Variants in PREX1 observed in about 807,000 individuals in gnomAD.
PREX1 encodes the protein phosphatidylinositol-3,4,5-trisphosphate dependent Rac exchange factor 1.
A neutral mutation model predicts 198.3 loss-of-function variants in PREX1; 41 were observed. That is an observed-to-expected ratio of 0.21 (90% CI 0.16 to 0.27). The LOEUF (loss-of-function observed/expected upper bound fraction) is 0.27, where lower values mean the gene tolerates loss of function less well. Ranked by LOEUF, PREX1 falls within the 10% of genes least tolerant of loss-of-function variation. The pLI is 1.00. For missense variants in PREX1, 1,620 were observed against 2,200.7 expected, an observed-to-expected ratio of 0.74 and a Z score of 5.28; for synonymous variants, 843 against 887.2, an observed-to-expected ratio of 0.95 and a Z score of 0.89.
At chr20:48,672,096 C>A (rs192697585) in intron 14 of PREX1, among the ~76,000 whole-genome samples, 55 of 152,350 alleles carry the variant, frequency 3.6e-4, no homozygotes, top group Non-Finnish European at 5.6e-4. Flanking sequence ...GCATGCCCAG[C>A]ACCAGCCACC....
intron 10 of PREX1, among the ~76,000 whole-genome samples, chr20:48,682,051 C>T (rs1322287450): frequency 7.2e-5 from 11 of 152,158 alleles, no homozygotes; most frequent in Admixed American, 1.3e-4. Flanking sequence ...TCTTCCCACA[C>T]GGACATAAAC....
At chr20:48,701,619 A>G (rs541157902) in intron 6 of PREX1, among the ~76,000 whole-genome samples, 1 of 152,176 alleles carries the variant, frequency 6.6e-6, no homozygotes, top group East Asian at 1.9e-4. Context: ...CCCCTTTGGT[A>G]AGGACAGGGC....
At chr20:48,863,203 CCT>C in the PREX1 span, among the ~76,000 whole-genome samples, 4 of 152,016 alleles carry the variant, frequency 2.6e-5, no homozygotes, top group Non-Finnish European at 4.4e-5. Context: ...CCTTATACTC[CCT>C]CTCTCCCTCC....
At chr20:48,646,424 T>G (rs1051541951) in intron 25 of PREX1, among the ~76,000 whole-genome samples, 2 of 152,190 alleles carry the variant, frequency 1.3e-5, no homozygotes, top group African/African-American at 4.8e-5. Flanking sequence ...GGTTCACACC[T>G]GTAATCCCAG....
At chr20:48,702,862 G>A (rs781703253) in intron 6 of PREX1, among the ~76,000 whole-genome samples, 1 of 152,332 alleles carries the variant, frequency 6.6e-6, no homozygotes, top group Non-Finnish European at 1.5e-5. Context: ...AGGGTGCCAC[G>A]GACATTTAGG....
intron 1 of PREX1, among the ~76,000 whole-genome samples, chr20:48,758,928 G>A (rs73911679): frequency 0.014 from 2,179 of 152,136 alleles, 52 homozygotes; most frequent in African/African-American, 0.05. Context: ...CTGCATCTGC[G>A]GGGAACCCAT....
chr20:48,651,643 G>C, intron 21 of PREX1, 60 bp from the exon 22 acceptor site: 1 of 1,529,054 alleles, frequency 6.5e-7, no homozygotes, highest in Non-Finnish European at 8.9e-7. Flanking sequence ...AAGGCGAGGC[G>C]AGGAGGATTC....
intron 1 of PREX1, among the ~76,000 whole-genome samples, chr20:48,778,817 T>C (rs937887643): frequency 1.1e-4 from 17 of 152,174 alleles, no homozygotes; most frequent in Admixed American, 2.6e-4. Context: ...ACACACGATA[T>C]GCAAATTAAT....
At chr20:48,769,334 G>T (rs965185854) in intron 1 of PREX1, among the ~76,000 whole-genome samples, 4 of 152,264 alleles carry the variant, frequency 2.6e-5, no homozygotes, top group African/African-American at 9.6e-5. Context: ...AATCCTGAGG[G>T]GATCCTCTCC....
intron 29 of PREX1, among the ~76,000 whole-genome samples, chr20:48,640,896 T>A (rs992063850): frequency 1.1e-4 from 1 of 9,494 alleles, no homozygotes; most frequent in Non-Finnish European, 2.2e-4. Context: ...GGTGGGTGGG[T>A]GGGTGGATGG....
intron 1 of PREX1, among the ~76,000 whole-genome samples, chr20:48,826,898 G>A (rs1225780286): frequency 1.3e-5 from 2 of 152,138 alleles, no homozygotes; most frequent in Non-Finnish European, 2.9e-5. Context: ...GGAAATACTC[G>A]TCCCTACTTC....
At chr20:48,845,632 G>T in the PREX1 span, among the ~76,000 whole-genome samples, 1 of 151,420 alleles carries the variant, frequency 6.6e-6, no homozygotes, top group African/African-American at 2.4e-5. Context: ...AGCCCAGGAG[G>T]CTGAGGTTGT....
rs148187096 is a variant in PREX1 at position 48,720,510 on chromosome 20, C to T, written c.621+5780G>A. On this transcript the variant is annotated intron_variant, in intron 5 of 39. Coordinates refer to ENST00000371941, the MANE Select transcript of PREX1 (RefSeq NM_020820.4). ...TGCAGCACCAACCGTGGCTGTCTCT[C>T]AGAGGACACTAGGAAGACGGAAAGG... Among the ~76,000 whole-genome samples, 14 of 152,130 alleles carry T rather than the reference C, an allele frequency of 9.2e-5. No homozygotes were observed. The East Asian group carries it at 1.4e-3, about 15-fold the overall frequency.
intron 1 of PREX1, among the ~76,000 whole-genome samples, chr20:48,799,125 G>A (rs376583148): frequency 1.7e-4 from 26 of 152,172 alleles, no homozygotes; most frequent in African/African-American, 5.1e-4. Flanking sequence ...CAAGTGATCC[G>A]CCCACCTCAG....
At chr20:48,735,812 C>T (rs982248896) in intron 3 of PREX1, among the ~76,000 whole-genome samples, 1 of 152,098 alleles carries the variant, frequency 6.6e-6, no homozygotes, top group Admixed American at 6.5e-5. Context: ...ACTCAAACCC[C>T]CTTAACCCCA....
upstream of PREX1, among the ~76,000 whole-genome samples, chr20:48,832,331 G>T (rs929755648): frequency 6.6e-6 from 1 of 152,152 alleles, no homozygotes; most frequent in Admixed American, 6.5e-5. Flanking sequence ...ACAAGCCCCT[G>T]TCAGCTTCTG....
At chr20:48,709,058 C>G (rs1175780481) in intron 5 of PREX1, among the ~76,000 whole-genome samples, 2 of 152,182 alleles carry the variant, frequency 1.3e-5, no homozygotes, top group African/African-American at 4.8e-5. Context: ...CCCCTCAACT[C>G]AGACGCAGGC....
At chr20:48,641,390 A>T (rs1415220950) in intron 29 of PREX1, among the ~76,000 whole-genome samples, 1 of 152,174 alleles carries the variant, frequency 6.6e-6, no homozygotes, top group Non-Finnish European at 1.5e-5. Context: ...GGCTTTTCAT[A>T]TATAGGGAGT....
At chr20:48,681,153 C>T in intron 11 of PREX1, 82 bp downstream of exon 11, 2 of 1,192,242 alleles carry the variant, frequency 1.7e-6, no homozygotes, top group Non-Finnish European at 2.5e-6. Context: ...ATAGGAGCTG[C>T]CTGAGCTAGT....
Sources: allele counts gnomAD v4.1 joint callset (sites outside exome capture counted in the v4.1 genomes callset), GRCh38; gene constraint gnomAD v4.1.1; transcripts MANE v1.5; gene names NCBI Gene and HGNC (gene_info 2026-07-23, HGNC 2026-07-21).